Variants in GINS3 observed in about 807,000 individuals in gnomAD.
The protein encoded by GINS3 is GINS complex subunit 3.
A neutral mutation model predicts 20.0 loss-of-function variants in GINS3; 18 were observed. That is an observed-to-expected ratio of 0.90 (90% confidence interval 0.62 to 1.33). GINS3 has a LOEUF of 1.33. Ranked by LOEUF, GINS3 falls within the 40% of genes most tolerant of loss-of-function variation. GINS3 has a pLI of 0.00. For missense variants in GINS3, 254 were observed against 273.6 expected (o/e 0.93, Z 0.51); for synonymous variants, 109 against 107.0 (o/e 1.02, Z -0.12).
chr16:58,402,097 T>C (rs1461499167), intron 1 of GINS3, among the ~76,000 whole-genome samples: 6 of 152,204 alleles, frequency 3.9e-5, no homozygotes, highest in Non-Finnish European at 8.8e-5. Flanking sequence ...CTAGATACTT[T>C]AGTCTGGTTA....
intron 2 of GINS3, 22 bp from the exon 3 acceptor site, chr16:58,404,477 G>A (rs745584691): frequency 1.3e-6 from 2 of 1,559,136 alleles, no homozygotes; most frequent in South Asian, 1.1e-5. Flanking sequence ...ACCCTGACTT[G>A]TCTTACTCCC....
At chr16:58,397,886 T>G (rs1163924188) in intron 1 of GINS3, among the ~76,000 whole-genome samples, 2 of 152,194 alleles carry the variant, frequency 1.3e-5, no homozygotes, top group Non-Finnish European at 2.9e-5. Flanking sequence ...CAGTACAATG[T>G]TCAGAATTTC....
At chr16:58,396,162 C>T (rs1251574810) in intron 1 of GINS3, among the ~76,000 whole-genome samples, 6 of 130,184 alleles carry the variant, frequency 4.6e-5, no homozygotes, top group East Asian at 2.5e-4. Flanking sequence ...CCCTCTTGGA[C>T]GGGGCGGCTG....
At position 58,394,991 on chromosome 16, in the gene GINS3, T is replaced by C. The variant is rs1015171375; in HGVS notation, c.186+2204T>C. The C allele has an allele frequency of 3.3e-5, 14 of 426,376 alleles. No homozygotes were observed. The South Asian group carries it at 6.3e-4, about 19-fold the overall frequency. 26.4% of individuals were successfully genotyped at this position (426,376 alleles called of 1,614,324 possible). On this transcript the variant is annotated intron_variant, in intron 1 of 2. Coordinates refer to ENST00000318129, the MANE Select transcript of GINS3 (RefSeq NM_022770.4). The stretch of plus-strand genomic sequence containing the variant: ...AAGGTTTGTATGACATTTAATTTCA[T>C]TTATAGGATTATTCAGACTTGATTT...
rs894271509 is a variant in GINS3 at position 58,405,416 on chromosome 16, T to C, written c.*687T>C. ...GCAGTCAACCCAGAAGGGAAATGGT[T>C]AAACTGAGCTTGTTATTGCCTCGGA... On this transcript the variant is annotated 3_prime_UTR_variant, in exon 3 of 3. Coordinates refer to ENST00000318129, the MANE Select transcript of GINS3 (RefSeq NM_022770.4). 1 of 152,272 alleles carries C rather than the reference T, an allele frequency of 6.6e-6. No homozygotes were observed. The highest frequency in any genetic ancestry group is 2.4e-5 in the African/African-American group (1 of 41,464). The allele number at this position is 152,272 out of a possible 1,614,324, so 9.4% of individuals were successfully genotyped here.
Position 58,403,220 on chromosome 16 carries a change from TC to T in GINS3, c.312del (p.Asn105MetfsTer61). On this transcript the variant is annotated frameshift_variant, in exon 2 of 3. Coordinates refer to ENST00000318129, the MANE Select transcript of GINS3 (RefSeq NM_022770.4). LOFTEE classifies it high-confidence loss of function. ...GTTGGAGGACTGTGTTCAGTGCAGATCCCAATGTGGTGGACCTCCACAAAAT... is the reference window on the plus strand; with the variant it reads ...GTTGGAGGACTGTGTTCAGTGCAGATCCAATGTGGTGGACCTCCACAAAAT... ...EGWRTVFSAD[P>X]NVVDLHKMGP... 1 of 1,614,136 alleles carries T rather than the reference TC, an allele frequency of 6.2e-7. No individual in the cohort carries two copies. The highest frequency in any genetic ancestry group is 8.5e-7 in the Non-Finnish European group (1 of 1,180,014).
At chr16:58,396,173 G>A (rs1248491403) in intron 1 of GINS3, among the ~76,000 whole-genome samples, 1 of 133,144 alleles carries the variant, frequency 7.5e-6, no homozygotes, top group Admixed American at 7.1e-5. Context: ...GGGGCGGCTG[G>A]CCGGGCAGAG....
rs768266760 is a variant in GINS3, at chr16:58,404,560, C to T, written c.482C>T (p.Thr161Ile). 2 of 1,614,170 alleles carry T rather than the reference C, an allele frequency of 1.2e-6. No homozygotes were observed. The highest frequency in any genetic ancestry group is 1.7e-6 in the Non-Finnish European group (2 of 1,180,022). The change falls in exon 3 of 3, where the codon ACT (threonine) becomes ATT (isoleucine). Residue 161 changes from threonine to isoleucine, a missense_variant. Physicochemically the swap from Thr to Ile is moderately conservative, Grantham distance 89. Coordinates refer to ENST00000318129, the MANE Select transcript of GINS3 (RefSeq NM_022770.4). The stretch of plus-strand genomic sequence containing the variant: ...TCACAGAATGCTTACAACGAAGACA[C>T]TTCAGCCCTGGTAGCCAGGCTAGAC... Reference protein sequence around the residue: ...DSSQNAYNEDTSALVARLDEM... With the variant: ...DSSQNAYNEDISALVARLDEM...
In GINS3 at chr16:58,402,872, A is replaced by G. The variant is rs564788862; in HGVS notation, c.187-226A>G. Reference sequence around the variant, plus strand: ...CACTTATGCTACATTTTTGTTCACCATGTTTTTGTTGTATAAATCCATTTT... The same window carrying G: ...CACTTATGCTACATTTTTGTTCACCGTGTTTTTGTTGTATAAATCCATTTT... On this transcript the variant is annotated intron_variant, in intron 1 of 2. Transcript: ENST00000318129. The G allele has an allele frequency of 5.1e-5, 29 of 563,940 alleles. No individual in the cohort carries two copies. The East Asian group carries it at 7.6e-4, about 15-fold the overall frequency. The allele number at this position is 563,940 out of a possible 1,614,324, so 34.9% of individuals were successfully genotyped here.
Position 58,404,616 on chromosome 16 carries a change from C to A in GINS3, c.538C>A (p.Gln180Lys). ...EMERGLFQTG[Q>K]KGLNDFQCWE... The stretch of plus-strand genomic sequence containing the variant: ...GGAGAGGGGCTTATTTCAAACAGGG[C>A]AGAAAGGACTGAATGACTTTCAGTG... Residue 180 changes from glutamine (Q) to lysine (K), a missense_variant, in exon 3 of 3, where the codon CAG (glutamine) becomes AAG (lysine). Transcript: ENST00000318129. 1 of 1,614,066 alleles carries A rather than the reference C, an allele frequency of 6.2e-7. No homozygotes were observed. The highest frequency in any genetic ancestry group is 8.5e-7 in the Non-Finnish European group (1 of 1,179,960).
chr16:58,402,077 T>C (rs1305251450), intron 1 of GINS3, among the ~76,000 whole-genome samples: 5 of 152,238 alleles, frequency 3.3e-5, no homozygotes, highest in Non-Finnish European at 7.3e-5. Context: ...GGCTCTTCTC[T>C]GTTTTTTCTC....
chr16:58,402,951 G>A (rs1430530368), intron 1 of GINS3, 147 bp from the exon 2 acceptor site: 5 of 623,204 alleles, frequency 8.0e-6, no homozygotes, highest in African/African-American at 7.4e-5. Flanking sequence ...TCATTGCTTC[G>A]AGTCACGACC....
chr16:58,392,788 G>C lies in GINS3; in HGVS notation c.186+1G>C, dbSNP rs1352143774. ...CGAGACTGACAACGCGGTCCCACAG[G>C]TGAGCCTTTGGGTGCGGGGTCCTGC... On this transcript the variant is annotated splice_donor_variant, in intron 1 of 2. Coordinates refer to ENST00000318129, the MANE Select transcript of GINS3 (RefSeq NM_022770.4). LOFTEE classifies it high-confidence loss of function. 1.9e-6 allele frequency: 3 copies of C among 1,599,004 alleles called. No individual in the cohort carries two copies. The South Asian group carries it at 3.3e-5, about 18-fold the overall frequency.
chr16:58,403,042 A>T lies in GINS3; in HGVS notation c.187-56A>T. On this transcript the variant is annotated intron_variant, in intron 1 of 2. Coordinates refer to ENST00000318129, the MANE Select transcript of GINS3 (RefSeq NM_022770.4). ...GCGATGTGTATTTCCTTTTCGTCAC[A>T]CACATTTGCTGTGTTACTTGTCTGT... 2 of 1,410,288 alleles carry T rather than the reference A, an allele frequency of 1.4e-6. 1 individual carries two copies. The highest frequency in any genetic ancestry group is 2.0e-6 in the Non-Finnish European group (2 of 1,000,398). 87.4% of individuals were successfully genotyped at this position (1,410,288 alleles called of 1,614,324 possible).
intron 1 of GINS3, among the ~76,000 whole-genome samples, chr16:58,402,477 G>T (rs1280894415): frequency 1.3e-5 from 2 of 152,042 alleles, no homozygotes; most frequent in Admixed American, 1.3e-4. Flanking sequence ...GAGAGTTTTG[G>T]CTCTTACTGC....
chr16:58,402,778 A>AG (rs1262380423), intron 1 of GINS3, among the ~76,000 whole-genome samples: 1 of 152,218 alleles, frequency 6.6e-6, no homozygotes, highest in Non-Finnish European at 1.5e-5. Context: ...TCAAAGAAAA[A>AG]GGAAATGTTT....
In GINS3 at chr16:58,397,818, C is replaced by T. The variant is rs147793894; in HGVS notation, c.186+5031C>T. On this transcript the variant is annotated intron_variant, in intron 1 of 2. Coordinates refer to ENST00000318129, the MANE Select transcript of GINS3 (RefSeq NM_022770.4). ...CGTGGAAAGAGAGGGAGAGGGAGAC[C>T]GTGGGGAGAGGGAGAGGGAAAGGGA... Among the ~76,000 whole-genome samples the T allele has an allele frequency of 6.6e-3, 993 of 151,300 alleles. 9 individuals carry two copies. Among genetic ancestry groups the T allele is most frequent in the African/African-American group, 0.023 (940 of 41,154 alleles).
chr16:58,402,728 G>A (rs1316543509), intron 1 of GINS3, among the ~76,000 whole-genome samples: 1 of 152,078 alleles, frequency 6.6e-6, no homozygotes. Context: ...GTACATAGCA[G>A]GCACTCGGCA....
intron 1 of GINS3, chr16:58,395,322 T>TATAC (rs1491222926): frequency 5.4e-6 from 1 of 183,644 alleles, no homozygotes; most frequent in East Asian, 1.2e-4. Context: ...GTAATATTTG[T>TATAC]ATATATATAT....
Sources: gnomAD v4.1 joint callset for allele counts (sites outside exome capture counted in the v4.1 genomes callset) on GRCh38, gnomAD v4.1.1 for gene constraint, MANE v1.5 for transcripts, NCBI Gene and HGNC (gene_info 2026-07-23, HGNC 2026-07-21) for gene names.